ARCN1: variants seen among roughly 807,000 people sequenced by gnomAD.
ARCN1 encodes the protein archain 1 coat protein complex I subunit delta, also known as coatomer subunit delta.
Under a neutral mutation model 60.4 loss-of-function variants are expected in ARCN1, and 5 were observed. The ratio of observed to expected loss-of-function variants is 0.08; its 90% CI spans 0.04 to 0.17. ARCN1 has a LOEUF of 0.17. ARCN1 is among the 10% of genes least tolerant of loss of function. The probability of loss-of-function intolerance (pLI) is 1.00; values close to 1 mark genes in which losing one functional copy is unlikely to be tolerated. For missense variants in ARCN1, 464 were observed against 626.5 expected (o/e 0.74, Z 2.77); for synonymous variants, 224 against 220.0 (o/e 1.02, Z -0.16).
At chr11:118,592,967 T>A in intron 7 of ARCN1, 111 bp downstream of exon 7, 1 of 1,172,256 alleles carries the variant, frequency 8.5e-7, no homozygotes, top group African/African-American at 1.5e-5. Context: ...TCTGACAAAA[T>A]GACTTTCTTT....
intron 1 of ARCN1, among the ~76,000 whole-genome samples, chr11:118,573,278 A>T (rs781876911): frequency 6.6e-6 from 1 of 152,188 alleles, no homozygotes; most frequent in African/African-American, 2.4e-5. Flanking sequence ...TGTCCAGGTG[A>T]AGAAAAATGT....
At chr11:118,586,783 C>A (rs1938788218) in intron 5 of ARCN1, among the ~76,000 whole-genome samples, 1 of 145,748 alleles carries the variant, frequency 6.9e-6, no homozygotes, top group Non-Finnish European at 1.5e-5. Flanking sequence ...ACCCGGGAAG[C>A]AGAGGTTGCA....
In ARCN1 at chr11:118,600,830, C is replaced by A. The variant is rs1939131519; in HGVS notation, c.*116C>A. On this transcript the variant is annotated 3_prime_UTR_variant, in exon 10 of 10. Transcript: ENST00000264028. ...CACTGGAGACCCCTTTTTTCTGATA[C>A]AATGCACGATTCTCTGCGCGCAAGG... 5 of 684,902 alleles carry A rather than the reference C, an allele frequency of 7.3e-6. No homozygotes were observed. Among genetic ancestry groups the A allele is most frequent in the South Asian group, 7.1e-5 (4 of 56,324 alleles). The allele number at this position is 684,902 out of a possible 1,614,324, so 42.4% of individuals were successfully genotyped here. A position where few individuals can be genotyped will look rare whatever the true frequency, so the allele number is the denominator to read the frequency against.
Position 118,585,973 on chromosome 11 carries a change from G to A in ARCN1, c.818+1329G>A, listed in dbSNP as rs79252436. The stretch of plus-strand genomic sequence containing the variant: ...CACATATTCGTGACTCAGATTTCTC[G>A]TCTTGAAGCCAGACCTTCTACTGTT... On this transcript the variant is annotated intron_variant, in intron 5 of 9. Transcript: ENST00000264028. Among the ~76,000 whole-genome samples the A allele has an allele frequency of 7.5e-3, 1,142 of 152,286 alleles. 7 individuals carry two copies. Among genetic ancestry groups the A allele is most frequent in the Non-Finnish European group, 0.012 (845 of 68,028 alleles).
At chr11:118,595,961 G>A (rs1010966751) in intron 8 of ARCN1, among the ~76,000 whole-genome samples, 11 of 152,058 alleles carry the variant, frequency 7.2e-5, no homozygotes, top group South Asian at 2.1e-4. Flanking sequence ...CAGCTACTCC[G>A]GAGGCTGAGG....
intron 5 of ARCN1, among the ~76,000 whole-genome samples, chr11:118,589,246 G>A (rs1591387752): frequency 1.3e-5 from 2 of 152,106 alleles, no homozygotes; most frequent in African/African-American, 4.8e-5. Flanking sequence ...AGAAACACAA[G>A]TGCAAATTAT....
At chr11:118,583,154 C>G in intron 2 of ARCN1, 25 bp from the exon 3 acceptor site, 1 of 1,610,294 alleles carries the variant, frequency 6.2e-7, no homozygotes. Flanking sequence ...CTAAATCTTT[C>G]TTTTTTATTG....
intron 6 of ARCN1, among the ~76,000 whole-genome samples, chr11:118,592,445 A>G (rs1938933001): frequency 6.6e-6 from 1 of 152,176 alleles, no homozygotes. Flanking sequence ...ATAGTCTTTT[A>G]ACTTTTTCAG....
At position 118,600,728 on chromosome 11, in the gene ARCN1, G is replaced by T; in HGVS notation, c.*14G>T. On this transcript the variant is annotated 3_prime_UTR_variant, in exon 10 of 10. Transcript: ENST00000264028. ...GAAATTCTGTAATACCAAGAAGAGGGAGCTGAAAAGGAAAATTTTCAGATT... is the reference window on the plus strand; with the variant it reads ...GAAATTCTGTAATACCAAGAAGAGGTAGCTGAAAAGGAAAATTTTCAGATT... 1 of 1,554,088 alleles carries T rather than the reference G, an allele frequency of 6.4e-7. No individual in the cohort carries two copies. The highest frequency in any genetic ancestry group is 1.2e-5 in the South Asian group (1 of 85,058).
At chr11:118,599,173 A>G (rs1194655953) in intron 9 of ARCN1, among the ~76,000 whole-genome samples, 6 of 150,618 alleles carry the variant, frequency 4.0e-5, no homozygotes, top group African/African-American at 1.2e-4. Context: ...GTTCACTGCA[A>G]CCTCTGCCTC....
In ARCN1 at chr11:118,583,868, C is replaced by T; in HGVS notation, c.507C>T (p.Ala169=). The change falls in exon 4 of 10, where the codon GCC becomes GCT. Residue 169 remains alanine (A), a synonymous_variant. Transcript: ENST00000264028. ...GTAAAGCAAAGGAATTACAACAGGC[C>T]CGAAGAGATGCAGAGAGACAGGGCA... ...MRRKAKELQQ[A]RRDAERQGKK... is the part of the protein sequence containing the mutation. The T allele has an allele frequency of 1.2e-6, 2 of 1,614,084 alleles. No individual in the cohort carries two copies. Among genetic ancestry groups the T allele is most frequent in the South Asian group, 2.2e-5 (2 of 91,076 alleles).
At chr11:118,583,088 A>G in intron 2 of ARCN1, 91 bp from the exon 3 acceptor site, 2 of 1,403,072 alleles carry the variant, frequency 1.4e-6, no homozygotes, top group Non-Finnish European at 2.0e-6. Flanking sequence ...GATTTAGGTT[A>G]TTGAAATTTA....
At position 118,601,628 on chromosome 11, in the gene ARCN1, G is replaced by T. The variant is rs1357846316; in HGVS notation, c.*914G>T. ...TATTTGAGGGGTATGGGGTCTAGAA[G>T]TTAAAAGATACGCATGTCTTCTGTT... On this transcript the variant is annotated 3_prime_UTR_variant, in exon 10 of 10. Transcript: ENST00000264028. 1 of 702,970 alleles carries T rather than the reference G, an allele frequency of 1.4e-6. No individual in the cohort carries two copies. The allele number at this position is 702,970 out of a possible 1,614,324, so 43.5% of individuals were successfully genotyped here.
chr11:118,581,835 G>C (rs1432323944), intron 2 of ARCN1, among the ~76,000 whole-genome samples: 2 of 150,732 alleles, frequency 1.3e-5, no homozygotes, highest in Non-Finnish European at 3.0e-5. Flanking sequence ...TCCAGAGACA[G>C]ACACACACAC....
intron 3 of ARCN1, 88 bp downstream of exon 3, chr11:118,583,446 G>A: frequency 1.4e-6 from 2 of 1,401,864 alleles, no homozygotes; most frequent in Non-Finnish European, 1.9e-6. Flanking sequence ...ACTTACTAAT[G>A]TAGACTGTAT....
At chr11:118,599,842 C>T (rs975949038) in intron 9 of ARCN1, among the ~76,000 whole-genome samples, 32 of 152,230 alleles carry the variant, frequency 2.1e-4, no homozygotes, top group African/African-American at 5.1e-4. Flanking sequence ...ATATGGTCTC[C>T]GTCTCCCCTG....
chr11:118,597,776 C>T lies in ARCN1; in HGVS notation c.1311C>T (p.Thr437=). 1 of 1,614,058 alleles carries T rather than the reference C, an allele frequency of 6.2e-7. No individual in the cohort carries two copies. Among genetic ancestry groups the T allele is most frequent in the Non-Finnish European group, 8.5e-7 (1 of 1,180,034 alleles). ...ATCGACATGACAGTCGACGAAATAC[C>T]CTGGAGTGGTGCCTGCCTGTGATTG... ...GEYRHDSRRN[T]LEWCLPVIDA... is the part of the protein sequence containing the mutation. Residue 437 remains threonine (T), a synonymous_variant, in exon 9 of 10, where the codon ACC becomes ACT. Coordinates refer to ENST00000264028, the MANE Select transcript of ARCN1 (RefSeq NM_001655.5).
intron 5 of ARCN1, among the ~76,000 whole-genome samples, chr11:118,585,769 A>T (rs1301917519): frequency 1.3e-5 from 2 of 151,960 alleles, no homozygotes; most frequent in Non-Finnish European, 2.9e-5. Flanking sequence ...GAACTCCTGG[A>T]CTCAAGCAAT....
chr11:118,597,401 A>G (rs1330170071), intron 8 of ARCN1, among the ~76,000 whole-genome samples: 1 of 152,218 alleles, frequency 6.6e-6, no homozygotes, highest in Non-Finnish European at 1.5e-5. Flanking sequence ...AAACATAGCC[A>G]TCTTAACACA....
Sources: gnomAD v4.1 joint callset for allele counts (sites outside exome capture counted in the v4.1 genomes callset) on GRCh38, gnomAD v4.1.1 for gene constraint, MANE v1.5 for transcripts, NCBI Gene and HGNC (gene_info 2026-07-23, HGNC 2026-07-21) for gene names.